The following DOCK1 variants were observed in gnomAD, a reference collection of about 807,000 sequenced individuals.
The protein encoded by DOCK1 is dedicator of cytokinesis 1.
A neutral mutation model predicts 262.7 loss-of-function variants in DOCK1; 138 were observed. That is an observed-to-expected ratio of 0.53 (90% CI 0.46 to 0.61). The LOEUF is 0.61. DOCK1 is among the 20% of genes least tolerant of loss of function. The pLI is 0.00. For synonymous variants in DOCK1, 866 were observed against 867.4 expected (o/e 1.00, Z 0.03); for missense variants, 1,908 against 2,370.7 (o/e 0.80, Z 4.05).
chr10:126,971,687 G>C (rs61875501), intron 2 of DOCK1, among the ~76,000 whole-genome samples: 6,799 of 152,270 alleles, frequency 0.045, 198 homozygotes, highest in Middle Eastern at 0.11. Context: ...CAGAATGCTG[G>C]AATTACAGGC....
intron 27 of DOCK1, among the ~76,000 whole-genome samples, chr10:127,198,687 T>C (rs2057323132): frequency 6.6e-6 from 1 of 152,128 alleles, no homozygotes; most frequent in African/African-American, 2.4e-5. Flanking sequence ...AGTTGTTCAA[T>C]TGTGTAGTAG....
At chr10:127,292,541 T>C (rs2061380389) in intron 29 of DOCK1, among the ~76,000 whole-genome samples, 1 of 152,042 alleles carries the variant, frequency 6.6e-6, no homozygotes, top group Non-Finnish European at 1.5e-5. Flanking sequence ...ACAGGGGCCT[T>C]GGGGCTGTGG....
chr10:126,977,892 G>C, intron 2 of DOCK1, 56 bp from the exon 3 acceptor site: 1 of 1,555,538 alleles, frequency 6.4e-7, no homozygotes, highest in Non-Finnish European at 8.9e-7. Flanking sequence ...TGAATGTATT[G>C]TGAGGACCCT....
chr10:127,003,919 G>T (rs1248097384), intron 10 of DOCK1, among the ~76,000 whole-genome samples: 3 of 151,802 alleles, frequency 2.0e-5, no homozygotes, highest in Non-Finnish European at 2.9e-5. Context: ...GTGTCACTGC[G>T]CTCCAGCTTG....
intron 27 of DOCK1, among the ~76,000 whole-genome samples, chr10:127,134,432 G>A (rs902965516): frequency 6.6e-6 from 1 of 152,156 alleles, no homozygotes; most frequent in Admixed American, 6.5e-5. Flanking sequence ...TGTTTCCAAG[G>A]TAGCAAGGTT....
At chr10:127,153,204 GA>G (rs2052681400) in intron 27 of DOCK1, among the ~76,000 whole-genome samples, 2 of 152,300 alleles carry the variant, frequency 1.3e-5, no homozygotes, top group South Asian at 4.1e-4. Flanking sequence ...AAGAAAAAAG[GA>G]TAGCCATCCT....
intron 1 of DOCK1, among the ~76,000 whole-genome samples, chr10:126,941,142 C>T (rs1218895336): frequency 6.6e-6 from 1 of 152,134 alleles, no homozygotes; most frequent in Admixed American, 6.6e-5. Context: ...GGTTTATCTG[C>T]CGTGCAGTGT....
intron 29 of DOCK1, among the ~76,000 whole-genome samples, chr10:127,319,692 C>T (rs1371574298): frequency 6.6e-6 from 1 of 152,184 alleles, no homozygotes; most frequent in African/African-American, 2.4e-5. Flanking sequence ...CCATGGAAAG[C>T]CCATATTCAC....
intron 29 of DOCK1, among the ~76,000 whole-genome samples, chr10:127,274,431 G>T (rs2060672851): frequency 6.6e-6 from 1 of 152,304 alleles, no homozygotes; most frequent in African/African-American, 2.4e-5. Context: ...GACTGTTTGG[G>T]CCACTGTGCA....
intron 27 of DOCK1, among the ~76,000 whole-genome samples, chr10:127,129,938 G>A (rs2050209278): frequency 6.6e-6 from 1 of 152,150 alleles, no homozygotes; most frequent in South Asian, 2.1e-4. Context: ...TCTGGTTAGT[G>A]GGTCTTGGTC....
At chr10:127,298,836 T>C (rs2061587450) in intron 29 of DOCK1, among the ~76,000 whole-genome samples, 1 of 152,182 alleles carries the variant, frequency 6.6e-6, no homozygotes, top group Admixed American at 6.5e-5. Flanking sequence ...GGAGGATACC[T>C]GAGGGCCATG....
intron 13 of DOCK1, among the ~76,000 whole-genome samples, chr10:127,019,475 G>T (rs535890687): frequency 2.6e-5 from 4 of 152,262 alleles, no homozygotes; most frequent in Admixed American, 6.5e-5. Flanking sequence ...TTGGCAGGGC[G>T]TAGTGGCTCA....
At chr10:127,243,725 C>A (rs776685713) in intron 27 of DOCK1, among the ~76,000 whole-genome samples, 1 of 152,068 alleles carries the variant, frequency 6.6e-6, no homozygotes, top group African/African-American at 2.4e-5. Context: ...ACAGGGGGAG[C>A]CCTGCGAGAG....
At chr10:127,221,978 G>T (rs2058453084) in intron 27 of DOCK1, among the ~76,000 whole-genome samples, 1 of 152,162 alleles carries the variant, frequency 6.6e-6, no homozygotes. Flanking sequence ...CTCACTCAAA[G>T]GAGAGTAAAA....
intron 29 of DOCK1, among the ~76,000 whole-genome samples, chr10:127,270,351 ATTCTG>A (rs756426158): frequency 1.3e-5 from 2 of 152,202 alleles, no homozygotes; most frequent in African/African-American, 2.4e-5. Context: ...CGATGTTTTT[ATTCTG>A]TTCTGTTCTG....
At chr10:127,328,119 CAAAAAAAAAAAA>C (rs11301683) in intron 29 of DOCK1, among the ~76,000 whole-genome samples, 1 of 72,536 alleles carries the variant, frequency 1.4e-5, no homozygotes, top group South Asian at 4.8e-4. Context: ...TACAAATGGG[CAAAAAAAAAAAA>C]AAAAAAAAAA....
chr10:127,204,830 C>T (rs1456228012), intron 27 of DOCK1, among the ~76,000 whole-genome samples: 1 of 152,088 alleles, frequency 6.6e-6, no homozygotes, highest in African/African-American at 2.4e-5. Flanking sequence ...TAGCCGATAC[C>T]CTCAATGGCT....
intron 25 of DOCK1, among the ~76,000 whole-genome samples, chr10:127,114,213 C>T (rs959685064): frequency 1.5e-4 from 23 of 152,074 alleles, no homozygotes; most frequent in Admixed American, 9.2e-4. Flanking sequence ...TGGTACCTAG[C>T]GCATGCCTGG....
At chr10:127,284,871 G>A (rs956571034) in intron 29 of DOCK1, among the ~76,000 whole-genome samples, 10 of 152,168 alleles carry the variant, frequency 6.6e-5, no homozygotes, top group African/African-American at 1.7e-4. Flanking sequence ...GGTGGCTCAC[G>A]CTTGTAATCC....
Sources: gnomAD v4.1 joint callset for allele counts (sites outside exome capture counted in the v4.1 genomes callset) on GRCh38, gnomAD v4.1.1 for gene constraint, MANE v1.5 for transcripts, NCBI Gene and HGNC (gene_info 2026-07-23, HGNC 2026-07-21) for gene names.